The following METRNL variants were observed in gnomAD, a reference collection of about 807,000 sequenced individuals.
The protein encoded by METRNL is meteorin-like protein.
A neutral mutation model predicts 17.4 loss-of-function variants in METRNL; 9 were observed. The ratio of observed to expected loss-of-function variants is 0.52; its 90% confidence interval spans 0.31 to 0.90. The LOEUF (loss-of-function observed/expected upper bound fraction) is 0.90, where lower values mean the gene tolerates loss of function less well. METRNL is among the 40% of genes least tolerant of loss of function. The pLI, the probability that METRNL is intolerant of heterozygous loss-of-function variation, is 0.05. For synonymous variants in METRNL, 215 were observed against 199.3 expected (o/e 1.08, Z -0.66); for missense variants, 408 against 430.7 (o/e 0.95, Z 0.47).
Position 83,094,383 on chromosome 17 carries a change from C to A in METRNL, c.744C>A (p.Gly248=). 1 of 1,610,634 alleles carries A rather than the reference C, an allele frequency of 6.2e-7. No individual in the cohort carries two copies. Among genetic ancestry groups the A allele is most frequent in the Non-Finnish European group, 8.5e-7 (1 of 1,178,402 alleles). The part of the protein sequence containing the change: ...RVFEPVPEGD[G]HWQGRVRTLL... ...TCGAGCCGGTGCCCGAGGGTGACGG[C>A]CACTGGCAGGGGCGCGTCAGGACGC... Residue 248 remains glycine (G), a synonymous_variant, in exon 4 of 4, where the codon GGC becomes GGA. Transcript: ENST00000320095.
At chr17:83,082,945 G>A (rs2038006892) in intron 1 of METRNL, among the ~76,000 whole-genome samples, 1 of 152,262 alleles carries the variant, frequency 6.6e-6, no homozygotes, top group African/African-American at 2.4e-5. Flanking sequence ...TCGGGAGAAT[G>A]TGAGAGGAGA....
chr17:83,089,737 C>T (rs975421925), intron 2 of METRNL, among the ~76,000 whole-genome samples: 72 of 150,726 alleles, frequency 4.8e-4, no homozygotes, highest in African/African-American at 1.5e-3. Context: ...AATTGTCTCC[C>T]GATTGTCTCC....
intron 1 of METRNL, 140 bp downstream of exon 1, chr17:83,080,125 G>C: frequency 3.6e-6 from 1 of 275,544 alleles, no homozygotes; most frequent in Non-Finnish European, 5.5e-6. Flanking sequence ...GGCCCAGTCC[G>C]GTGCCCGCTG....
At chr17:83,089,931 C>G (rs556791464) in intron 2 of METRNL, among the ~76,000 whole-genome samples, 1 of 151,984 alleles carries the variant, frequency 6.6e-6, no homozygotes, top group South Asian at 2.1e-4. Context: ...ACACCCCTGC[C>G]GTCAGCCGGG....
intron 2 of METRNL, among the ~76,000 whole-genome samples, chr17:83,090,171 C>CACA (rs1568338575): frequency 3.4e-4 from 39 of 114,836 alleles, no homozygotes; most frequent in Admixed American, 8.2e-4. Flanking sequence ...GAGCCACACA[C>CACA]CCCTGCCCCG....
intron 2 of METRNL, among the ~76,000 whole-genome samples, chr17:83,090,182 C>T (rs1199510365): frequency 8.2e-6 from 1 of 122,490 alleles, no homozygotes; most frequent in Non-Finnish European, 1.9e-5. Flanking sequence ...CCCTGCCCCG[C>T]CCCAGGGTGG....
intron 2 of METRNL, among the ~76,000 whole-genome samples, chr17:83,087,541 A>G (rs1197123458): frequency 6.6e-6 from 1 of 152,110 alleles, no homozygotes; most frequent in Non-Finnish European, 1.5e-5. Flanking sequence ...TCCTCTCCCC[A>G]GGGTATTCGC....
chr17:83,094,268 C>G lies in METRNL; in HGVS notation c.629C>G (p.Ser210Cys), dbSNP rs748700614. ...CTTCCCCGCACAGCCGTTCGAGGCT[C>G]CATCCAGCAAGTTACCCACGAGCCT... The part of the protein sequence containing the change: ...VCTSDFAVRG[S>C]IQQVTHEPER... The change falls in exon 4 of 4, where the codon TCC (serine) becomes TGC (cysteine). Residue 210 changes from serine (S) to cysteine (C), a missense_variant. Physicochemically the swap from Ser to Cys is moderately radical, Grantham distance 112. Transcript: ENST00000320095. 1 of 1,576,860 alleles carries G rather than the reference C, an allele frequency of 6.3e-7. No individual in the cohort carries two copies. Among genetic ancestry groups the G allele is most frequent in the Non-Finnish European group, 8.7e-7 (1 of 1,153,490 alleles).
At chr17:83,086,553 C>T (rs1021444617) in intron 2 of METRNL, among the ~76,000 whole-genome samples, 3 of 152,152 alleles carry the variant, frequency 2.0e-5, no homozygotes, top group Non-Finnish European at 4.4e-5. Context: ...CACAATGAGG[C>T]GAAACCTGGA....
intron 1 of METRNL, among the ~76,000 whole-genome samples, chr17:83,081,064 G>C (rs942937752): frequency 6.6e-6 from 1 of 151,596 alleles, no homozygotes; most frequent in Non-Finnish European, 1.5e-5. Flanking sequence ...AGCCTCCCCG[G>C]GGGAAGGGGC....
At chr17:83,088,671 C>T (rs546950177) in intron 2 of METRNL, among the ~76,000 whole-genome samples, 36 of 140,854 alleles carry the variant, frequency 2.6e-4, no homozygotes, top group Admixed American at 1.0e-3. Context: ...CTCTCCAGGA[C>T]GCCGGAGTCC....
In METRNL at chr17:83,085,319, G is replaced by A. The variant is rs759534115; in HGVS notation, c.552G>A (p.Leu184=). The change falls in exon 2 of 4, where the codon CTG becomes CTA. Residue 184 remains leucine (L), a synonymous_variant. Coordinates refer to ENST00000320095, the MANE Select transcript of METRNL (RefSeq NM_001004431.3). ...RRHRASDLHE[L]SAPCRPCSDT... is the part of the protein sequence containing the mutation. ...ACAGGGCGTCGGACCTGCACGAGCTGTCTGGTGAGTGTCCTGCCTGGGGCG... is the reference window on the plus strand; with the variant it reads ...ACAGGGCGTCGGACCTGCACGAGCTATCTGGTGAGTGTCCTGCCTGGGGCG... 2 of 1,521,454 alleles carry A rather than the reference G, an allele frequency of 1.3e-6. No homozygotes were observed. Among genetic ancestry groups the A allele is most frequent in the East Asian group, 2.3e-5 (1 of 43,964 alleles). The allele number at this position is 1,521,454 out of a possible 1,614,324, so 94.2% of individuals were successfully genotyped here.
intron 2 of METRNL, among the ~76,000 whole-genome samples, chr17:83,090,592 G>T (rs914222353): frequency 7.0e-6 from 1 of 143,500 alleles, no homozygotes; most frequent in Non-Finnish European, 1.5e-5. Context: ...TTGCAGGACC[G>T]CCTGGCCCAG....
Position 83,094,241 on chromosome 17 carries a change from T to C in METRNL, c.617-15T>C. On this transcript the variant is annotated splice_polypyrimidine_tract_variant and intron_variant, in intron 3 of 3. Coordinates refer to ENST00000320095, the MANE Select transcript of METRNL (RefSeq NM_001004431.3). ...CCTTTGCTCACTCCCTGTCCCCATC[T>C]CCTTCCCCGCACAGCCGTTCGAGGC... 1 of 1,547,450 alleles carries C rather than the reference T, an allele frequency of 6.5e-7. No homozygotes were observed. The highest frequency in any genetic ancestry group is 8.8e-7 in the Non-Finnish European group (1 of 1,138,578).
At chr17:83,086,937 C>T (rs1461379879) in intron 2 of METRNL, among the ~76,000 whole-genome samples, 2 of 151,986 alleles carry the variant, frequency 1.3e-5, no homozygotes, top group African/African-American at 4.8e-5. Context: ...CCGAGGCCTA[C>T]AGGCCCTGTG....
intron 1 of METRNL, chr17:83,084,711 G>GAGGGCGTC: frequency 8.6e-6 from 5 of 580,188 alleles, no homozygotes; most frequent in Non-Finnish European, 1.2e-5. Flanking sequence ...ATGGCTCTTG[G>GAGGGCGTC]TGCAGGTGCA....
chr17:83,080,601 C>CTTTTTT (rs563834169), intron 1 of METRNL, among the ~76,000 whole-genome samples: 1 of 52,146 alleles, frequency 1.9e-5, no homozygotes, highest in Non-Finnish European at 3.6e-5. Context: ...CGGCCGAGGA[C>CTTTTTT]TTTTTTTTTT....
At chr17:83,088,086 G>C (rs2038073680) in intron 2 of METRNL, among the ~76,000 whole-genome samples, 1 of 152,202 alleles carries the variant, frequency 6.6e-6, no homozygotes, top group Non-Finnish European at 1.5e-5. Flanking sequence ...GCTCCTCCAG[G>C]GGTACACACT....
chr17:83,092,899 A>G (rs1173533246), intron 2 of METRNL, among the ~76,000 whole-genome samples: 1 of 152,146 alleles, frequency 6.6e-6, no homozygotes, highest in Non-Finnish European at 1.5e-5. Context: ...GCCGAGGTGC[A>G]GGTGCCTTTG....
Sources: gnomAD v4.1 joint callset for allele counts (sites outside exome capture counted in the v4.1 genomes callset) on GRCh38, gnomAD v4.1.1 for gene constraint, MANE v1.5 for transcripts, NCBI Gene and HGNC (gene_info 2026-07-23, HGNC 2026-07-21) for gene names.